The following TMEM233 variants were observed in gnomAD, a reference collection of about 807,000 sequenced individuals.
TMEM233 encodes the protein dispanin subfamily B member 2.
A neutral mutation model predicts 11.2 loss-of-function variants in TMEM233; 6 were observed. That is an observed-to-expected ratio of 0.54 (90% CI 0.29 to 1.06). The LOEUF is 1.06. Among genes scored for constraint, TMEM233 ranks in the 50% least tolerant of loss-of-function variants. The pLI is 0.08. For missense variants in TMEM233, 127 were observed against 144.7 expected (o/e 0.88, Z 0.63); for synonymous variants, 59 against 55.8 (o/e 1.06, Z -0.26).
chr12:119,648,937 C>T, the TMEM233 span, among the ~76,000 whole-genome samples: 1 of 152,138 alleles, frequency 6.6e-6, no homozygotes, highest in South Asian at 2.1e-4. Context: ...CTCACATATT[C>T]CTTATCGTGA....
chr12:119,644,042 A>G, downstream of TMEM233, among the ~76,000 whole-genome samples: 1 of 152,218 alleles, frequency 6.6e-6, no homozygotes, highest in East Asian at 1.9e-4. Flanking sequence ...GTGGAAAGAC[A>G]GTGTTTCTTC....
chr12:119,626,798 T>C (rs1375678817), intron 1 of TMEM233, among the ~76,000 whole-genome samples: 2 of 152,218 alleles, frequency 1.3e-5, no homozygotes, highest in South Asian at 2.1e-4. Context: ...ACCTCAAAGA[T>C]GCCCTCAAAA....
intron 1 of TMEM233, among the ~76,000 whole-genome samples, chr12:119,611,963 C>T (rs1012124701): frequency 4.6e-5 from 7 of 152,070 alleles, no homozygotes; most frequent in East Asian, 3.9e-4. Flanking sequence ...CATCATCTCA[C>T]GTAAGCCTCA....
the TMEM233 span, among the ~76,000 whole-genome samples, chr12:119,651,228 A>G: frequency 1.5e-4 from 23 of 152,308 alleles, 2 homozygotes; most frequent in African/African-American, 5.1e-4. Context: ...TTAATAGGCT[A>G]TGGCTCTGTT....
At chr12:119,622,860 A>C (rs922649391) in intron 1 of TMEM233, among the ~76,000 whole-genome samples, 2 of 152,216 alleles carry the variant, frequency 1.3e-5, no homozygotes, top group African/African-American at 4.8e-5. Context: ...TTAATACTGA[A>C]AGAGGCTTTT....
chr12:119,605,553 C>A (rs557612867), intron 1 of TMEM233, among the ~76,000 whole-genome samples: 1 of 151,536 alleles, frequency 6.6e-6, no homozygotes, highest in African/African-American at 2.4e-5. Context: ...TTCAGCCTCC[C>A]AGGCAGCTGG....
intron 1 of TMEM233, among the ~76,000 whole-genome samples, chr12:119,623,993 A>G (rs901920875): frequency 6.6e-6 from 1 of 152,208 alleles, no homozygotes; most frequent in African/African-American, 2.4e-5. Flanking sequence ...GGGCATCTTG[A>G]CCTTGAAGGA....
At chr12:119,650,655 GTTT>G in the TMEM233 span, among the ~76,000 whole-genome samples, 18 of 126,220 alleles carry the variant, frequency 1.4e-4, no homozygotes, top group African/African-American at 4.7e-4. Context: ...TGTTGTTGTT[GTTT>G]TTGAGACGGA....
chr12:119,621,276 G>A (rs1000995909), intron 1 of TMEM233, among the ~76,000 whole-genome samples: 24 of 152,290 alleles, frequency 1.6e-4, no homozygotes, highest in Admixed American at 7.8e-4. Context: ...CTGGACTCAC[G>A]TGATCCCCTG....
Position 119,640,809 on chromosome 12 carries a change from C to T in TMEM233, c.*104C>T, listed in dbSNP as rs1356380095. The T allele has an allele frequency of 2.3e-6, 3 of 1,296,810 alleles. No homozygotes were observed. The African/African-American group carries it at 4.6e-5, about 20-fold the overall frequency. 80.3% of individuals were successfully genotyped at this position (1,296,810 alleles called of 1,614,324 possible). A position where few individuals can be genotyped will look rare whatever the true frequency, so the allele number is the denominator to read the frequency against. The stretch of plus-strand genomic sequence containing the variant: ...GATCCTTGACTTCAGACTGTGAGAT[C>T]TTTTCCTCCAGGACTCTCCAGAGGC... On this transcript the variant is annotated 3_prime_UTR_variant, in exon 3 of 3. Transcript: ENST00000426426.
chr12:119,627,675 G>A (rs1954792398), intron 1 of TMEM233, among the ~76,000 whole-genome samples: 1 of 152,148 alleles, frequency 6.6e-6, no homozygotes, highest in South Asian at 2.1e-4. Flanking sequence ...TCTCCCACCA[G>A]GCCCCACCTC....
chr12:119,640,973 C>A lies in TMEM233; in HGVS notation c.*268C>A. On this transcript the variant is annotated 3_prime_UTR_variant, in exon 3 of 3. Transcript: ENST00000426426. ...CAGAAAAAAGAAAAATGAAGTCTCA[C>A]TGTCTCAGTTTAGCGAATCCCGTTG... 1 of 461,530 alleles carries A rather than the reference C, an allele frequency of 2.2e-6. No individual in the cohort carries two copies. Among genetic ancestry groups the A allele is most frequent in the Non-Finnish European group, 3.8e-6 (1 of 259,890 alleles). The allele number at this position is 461,530 out of a possible 1,614,324, so 28.6% of individuals were successfully genotyped here.
chr12:119,635,240 A>G (rs901799732), intron 2 of TMEM233, among the ~76,000 whole-genome samples: 1 of 152,198 alleles, frequency 6.6e-6, no homozygotes, highest in African/African-American at 2.4e-5. Context: ...GATGTTTCTC[A>G]AAGCACAAAT....
intron 1 of TMEM233, among the ~76,000 whole-genome samples, chr12:119,612,132 T>C (rs866436982): frequency 2.6e-4 from 40 of 152,112 alleles, no homozygotes; most frequent in African/African-American, 9.4e-4. Flanking sequence ...TAGCTGGGAC[T>C]ACAGGCACGT....
At chr12:119,647,939 C>T (rs1424005596), downstream of TMEM233, among the ~76,000 whole-genome samples, 1 of 152,158 alleles carries the variant, frequency 6.6e-6, no homozygotes, top group African/African-American at 2.4e-5. Flanking sequence ...TTGGCTGCCT[C>T]TCAGATCTCA....
At chr12:119,653,147 A>G in the TMEM233 span, among the ~76,000 whole-genome samples, 2 of 152,110 alleles carry the variant, frequency 1.3e-5, no homozygotes, top group African/African-American at 4.8e-5. Context: ...TAATCCCAGC[A>G]CTTTGGGAGG....
At chr12:119,644,699 G>A (rs927839330), downstream of TMEM233, among the ~76,000 whole-genome samples, 6 of 151,580 alleles carry the variant, frequency 4.0e-5, no homozygotes, top group African/African-American at 7.3e-5. Context: ...GGCTGGTCTC[G>A]AACTCCTGAC....
chr12:119,649,391 C>T, the TMEM233 span, among the ~76,000 whole-genome samples: 9 of 152,100 alleles, frequency 5.9e-5, no homozygotes, highest in East Asian at 1.7e-3. Flanking sequence ...CTCCTTTGTG[C>T]CTGGGATGCC....
chr12:119,601,566 G>A (rs1954165550), intron 1 of TMEM233, among the ~76,000 whole-genome samples: 1 of 151,752 alleles, frequency 6.6e-6, no homozygotes, highest in South Asian at 2.1e-4. Flanking sequence ...GCTAAGGCAG[G>A]AGAATGGCGT....
Sources: gnomAD v4.1 joint callset for allele counts (sites outside exome capture counted in the v4.1 genomes callset) on GRCh38, gnomAD v4.1.1 for gene constraint, MANE v1.5 for transcripts, NCBI Gene and HGNC (gene_info 2026-07-23, HGNC 2026-07-21) for gene names.